The following PIEZO2 variants were observed in gnomAD, a reference collection of about 807,000 sequenced individuals.
PIEZO2 encodes the protein piezo-type mechanosensitive ion channel component 2.
Under a neutral mutation model 337.3 loss-of-function variants are expected in PIEZO2, and 172 were observed. The ratio of observed to expected loss-of-function variants is 0.51; its 90% confidence interval spans 0.45 to 0.58. The LOEUF (loss-of-function observed/expected upper bound fraction) is 0.58, where lower values mean the gene tolerates loss of function less well. PIEZO2 is among the 20% of genes least tolerant of loss of function. The probability of loss-of-function intolerance (pLI) is 0.00; values close to 1 mark genes in which losing one functional copy is unlikely to be tolerated. For synonymous variants in PIEZO2, 1,251 were observed against 1,228.5 expected (o/e 1.02, Z -0.38); for missense variants, 3,028 against 3,391.3 (o/e 0.89, Z 2.66).
chr18:10,750,161 T>C lies in PIEZO2; in HGVS notation c.4194A>G (p.Thr1398=). The change falls in exon 29 of 56, where the codon ACA becomes ACG. Residue 1398 remains threonine, a synonymous_variant. Transcript: ENST00000674853. The surrounding 1 kb of genome is among the most constrained non-coding windows in gnomAD (Gnocchi z 4.1). ...LSIGACGYIG[T]LVHNSCWLIQ... is the part of the protein sequence containing the mutation. ...TCAACCAACAACTATTGTGCACCAA[T>C]GTTCCAATGTATCCACATGCTCCTA... 1 of 1,537,086 alleles carries C rather than the reference T, an allele frequency of 6.5e-7. No homozygotes were observed. The highest frequency in any genetic ancestry group is 1.2e-5 in the South Asian group (1 of 84,054).
At chr18:11,024,631 T>G (rs952474291) in intron 2 of PIEZO2, among the ~76,000 whole-genome samples, 7 of 151,926 alleles carry the variant, frequency 4.6e-5, no homozygotes. Flanking sequence ...AAGGTCTATT[T>G]AAGGTTTTGT....
chr18:11,092,347 T>C lies in PIEZO2; in HGVS notation c.65-26125A>G, dbSNP rs2039117732. On this transcript the variant is annotated intron_variant, in intron 1 of 55. Coordinates refer to ENST00000674853, the MANE Select transcript of PIEZO2 (RefSeq NM_001378183.1). This position sits in a 1 kb window ranked among gnomAD's most constrained non-coding sequence, Gnocchi z 4.5. ...CCAAGAGATTGTTAAACATAATAAATACAGAAAACTAAAAATACTATATTC... is the reference window on the plus strand; with the variant it reads ...CCAAGAGATTGTTAAACATAATAAACACAGAAAACTAAAAATACTATATTC... 6.6e-6 allele frequency among the ~76,000 whole-genome samples: 1 copy of C among 152,142 alleles called. No individual in the cohort carries two copies. The highest frequency in any genetic ancestry group is 2.4e-5 in the African/African-American group (1 of 41,448).
In PIEZO2 at chr18:10,800,374, G is replaced by C. The variant is rs540715486; in HGVS notation, c.1341C>G (p.Thr447=). 7 of 1,536,544 alleles carry C rather than the reference G, an allele frequency of 4.6e-6. 1 individual carries two copies. In the South Asian group the frequency reaches 7.2e-5, roughly 16 times the overall value. Residue 447 remains threonine (T), a synonymous_variant, in exon 11 of 56, where the codon ACC becomes ACG. Coordinates refer to ENST00000674853, the MANE Select transcript of PIEZO2 (RefSeq NM_001378183.1). The part of the protein sequence containing the change: ...NGPGKADLYS[T]PQYRWEPSDE... The stretch of plus-strand genomic sequence containing the variant: ...CAGAGGGCTCCCACCGGTACTGAGG[G>C]GTGGAGTAGAGGTCGGCTTTGCCAG...
intron 47 of PIEZO2, among the ~76,000 whole-genome samples, chr18:10,693,663 A>G (rs565163085): frequency 7.4e-5 from 11 of 149,284 alleles, no homozygotes; most frequent in African/African-American, 2.2e-4. Context: ...ACCATGCCCA[A>G]CCCAATCCGG....
rs549403962 is a variant in PIEZO2, at chr18:11,129,040, C to G, written c.64+19485G>C. Among the ~76,000 whole-genome samples the G allele has an allele frequency of 6.6e-6, 1 of 152,140 alleles. No individual in the cohort carries two copies. Among genetic ancestry groups the G allele is most frequent in the Non-Finnish European group, 1.5e-5 (1 of 68,014 alleles). ...GTTAAAATGTGGATTAAAAGATGGC[C>G]CACTATGAGCGAGCTGGAAATGCCT... is the stretch of plus-strand genomic sequence containing the variant. On this transcript the variant is annotated intron_variant, in intron 1 of 55. Coordinates refer to ENST00000674853, the MANE Select transcript of PIEZO2 (RefSeq NM_001378183.1). This position sits in a 1 kb window ranked among gnomAD's most constrained non-coding sequence, Gnocchi z 4.6.
At position 10,708,341 on chromosome 18, in the gene PIEZO2, C is replaced by T. The variant is rs1381817054; in HGVS notation, c.5522G>A (p.Arg1841Lys). 6.6e-6 allele frequency: 1 copy of T among 152,664 alleles called. No homozygotes were observed. The allele number at this position is 152,664 out of a possible 1,614,324, so 9.5% of individuals were successfully genotyped here. A position where few individuals can be genotyped will look rare whatever the true frequency, so the allele number is the denominator to read the frequency against. Residue 1841 changes from arginine (R) to lysine (K), a missense_variant, in exon 40 of 56, where the codon AGG (arginine) becomes AAG (lysine). By Grantham distance (26) the Arg-to-Lys change is conservative. Coordinates refer to ENST00000674853, the MANE Select transcript of PIEZO2 (RefSeq NM_001378183.1). ...ATCCATGCTGAGCATTTTACGGAGC[C>T]TAGGCCGAGCACGCTCGCTTGTTTT... ...IPKTSERARP[R>K]LRKMLSMDMS... is the part of the protein sequence containing the mutation.
chr18:11,136,708 C>G (rs2040499254), intron 1 of PIEZO2, among the ~76,000 whole-genome samples: 1 of 152,228 alleles, frequency 6.6e-6, no homozygotes, highest in South Asian at 2.1e-4. Flanking sequence ...AATGCTGGAG[C>G]CATGACAGCA....
At position 11,001,279 on chromosome 18, in the gene PIEZO2, A is replaced by T. The variant is rs1171982355; in HGVS notation, c.161-21619T>A. Among the ~76,000 whole-genome samples the T allele has an allele frequency of 6.6e-6, 1 of 152,140 alleles. No individual in the cohort carries two copies. The highest frequency in any genetic ancestry group is 1.5e-5 in the Non-Finnish European group (1 of 68,014). On this transcript the variant is annotated intron_variant, in intron 2 of 55. Coordinates refer to ENST00000674853, the MANE Select transcript of PIEZO2 (RefSeq NM_001378183.1). This position sits in a 1 kb window ranked among gnomAD's most constrained non-coding sequence, Gnocchi z 5.3. ...TATGGTGGATTTTTATGCATGGGTC[A>T]TCTGGCCACGATTTCCTCAGCAGCT...
chr18:10,944,670 A>G (rs1489329863), intron 3 of PIEZO2, among the ~76,000 whole-genome samples: 2 of 151,926 alleles, frequency 1.3e-5, no homozygotes, highest in East Asian at 3.9e-4. Context: ...ATTAGTGTGA[A>G]CACAACATTA....
rs548548940 is a variant in PIEZO2, at chr18:11,104,973, G to A, written c.65-38751C>T. On this transcript the variant is annotated intron_variant, in intron 1 of 55. Coordinates refer to ENST00000674853, the MANE Select transcript of PIEZO2 (RefSeq NM_001378183.1). This position sits in a 1 kb window ranked among gnomAD's most constrained non-coding sequence, Gnocchi z 4.6. ...ACAGCGTGTCCTCTCTGGGACTTTC[G>A]CTGGAGCTAATGGAAAAGAGATACT... Among the ~76,000 whole-genome samples the A allele has an allele frequency of 2.6e-5, 4 of 152,212 alleles. No homozygotes were observed. The highest frequency in any genetic ancestry group is 4.2e-4 in the South Asian group (2 of 4,812).
At chr18:10,751,136 A>G (rs758499493) in intron 28 of PIEZO2, among the ~76,000 whole-genome samples, 21 of 152,226 alleles carry the variant, frequency 1.4e-4, no homozygotes, top group Non-Finnish European at 3.1e-4. Flanking sequence ...CCATTGCATC[A>G]TAATTATTTA....
intron 2 of PIEZO2, among the ~76,000 whole-genome samples, chr18:11,053,893 G>A (rs145075557): frequency 0.035 from 5,268 of 152,090 alleles, 304 homozygotes; most frequent in African/African-American, 0.12. Context: ...GGGTGGTGGT[G>A]CATCCCTGTA....
At position 10,862,157 on chromosome 18, in the gene PIEZO2, G is replaced by C. The variant is rs2041890878; in HGVS notation, c.493-4946C>G. Among the ~76,000 whole-genome samples the C allele has an allele frequency of 6.6e-6, 1 of 152,022 alleles. No homozygotes were observed. The highest frequency in any genetic ancestry group is 1.5e-5 in the Non-Finnish European group (1 of 68,004). On this transcript the variant is annotated intron_variant, in intron 5 of 55. Coordinates refer to ENST00000674853, the MANE Select transcript of PIEZO2 (RefSeq NM_001378183.1). This position sits in a 1 kb window ranked among gnomAD's most constrained non-coding sequence, Gnocchi z 4.4. ...TAGCCTGATTTGCTCATTCCACAAT[G>C]TATACATGTATCAAAATACCACATT...
intron 4 of PIEZO2, 36 bp from the exon 5 acceptor site, chr18:10,871,451 T>C (rs1032115714): frequency 6.6e-7 from 1 of 1,511,830 alleles, no homozygotes; most frequent in African/African-American, 1.4e-5. Flanking sequence ...GAAAAAAATT[T>C]AGTTCTTATA....
chr18:10,777,270 C>T (rs7235135), intron 18 of PIEZO2, among the ~76,000 whole-genome samples: 29,929 of 152,152 alleles, frequency 0.2, 3,151 homozygotes, highest in East Asian at 0.34. Flanking sequence ...CATGTTCTAA[C>T]GGAGCAGATG....
rs2041518131 is a variant in PIEZO2, at chr18:10,850,636, A to T, written c.917+4717T>A. Among the ~76,000 whole-genome samples, 1 of 152,228 alleles carries T rather than the reference A, an allele frequency of 6.6e-6. No individual in the cohort carries two copies. Among genetic ancestry groups the T allele is most frequent in the Admixed American group, 6.5e-5 (1 of 15,280 alleles). On this transcript the variant is annotated intron_variant, in intron 7 of 55. Transcript: ENST00000674853. This position sits in a 1 kb window ranked among gnomAD's most constrained non-coding sequence, Gnocchi z 4.5. ...CTACACAATCACTTTGCACTCTATGAAAATTACATTTTAGAACATTTTATA... is the reference window on the plus strand; with the variant it reads ...CTACACAATCACTTTGCACTCTATGTAAATTACATTTTAGAACATTTTATA...
chr18:10,964,265 T>C (rs2033910074), intron 3 of PIEZO2, among the ~76,000 whole-genome samples: 1 of 152,102 alleles, frequency 6.6e-6, no homozygotes, highest in African/African-American at 2.4e-5. Context: ...TAGAGTACAA[T>C]ACATATCAAT....
chr18:10,790,780 A>G (rs2039383728), intron 14 of PIEZO2, among the ~76,000 whole-genome samples: 1 of 144,666 alleles, frequency 6.9e-6, no homozygotes, highest in Non-Finnish European at 1.5e-5. Context: ...GTCTCGGTTC[A>G]CTGCGAGCTC....
chr18:10,894,811 T>A lies in PIEZO2; in HGVS notation c.329+16375A>T, dbSNP rs2042851174. On this transcript the variant is annotated intron_variant, in intron 4 of 55. Transcript: ENST00000674853. This position sits in a 1 kb window ranked among gnomAD's most constrained non-coding sequence, Gnocchi z 4.1. ...AATAAATGTTCACTCTTGCTCTAAA[T>A]CTTGCCTTGGCCTCTTTTTCTGCCT... 1 of 152,256 alleles carries A rather than the reference T, an allele frequency of 6.6e-6. No homozygotes were observed. Among genetic ancestry groups the A allele is most frequent in the Non-Finnish European group, 1.5e-5 (1 of 68,060 alleles). The allele number at this position is 152,256 out of a possible 1,614,324, so 9.4% of individuals were successfully genotyped here.
Sources: allele counts gnomAD v4.1 joint callset (sites outside exome capture counted in the v4.1 genomes callset), GRCh38; gene constraint gnomAD v4.1.1; non-coding constraint Gnocchi (gnomAD v3.1); transcripts MANE v1.5; gene names NCBI Gene and HGNC (gene_info 2026-07-23, HGNC 2026-07-21).